The following NPAS3 variants were observed in gnomAD, a reference collection of about 807,000 sequenced individuals.
NPAS3 encodes neuronal PAS domain-containing protein 3.
NPAS3 carries 14 observed loss-of-function variants against 73.1 expected under a neutral mutation model. The ratio of observed to expected loss-of-function variants is 0.19; its 90% CI spans 0.13 to 0.30. The LOEUF (loss-of-function observed/expected upper bound fraction) is 0.30, where lower values mean the gene tolerates loss of function less well. Among genes scored for constraint, NPAS3 ranks in the 10% least tolerant of loss-of-function variants. NPAS3 has a pLI of 1.00. For missense variants in NPAS3, 1,096 were observed against 1,250.0 expected (o/e 0.88, Z 1.86); for synonymous variants, 620 against 541.5 (o/e 1.14, Z -2.01).
At chr14:33,025,819 C>T (rs934829874) in intron 1 of NPAS3, among the ~76,000 whole-genome samples, 1 of 152,060 alleles carries the variant, frequency 6.6e-6, no homozygotes, top group African/African-American at 2.4e-5. Context: ...TGAGGCCTCC[C>T]CAGAAGCAGA....
At position 33,475,972 on chromosome 14, in the gene NPAS3, T is replaced by G. The variant is rs569794609; in HGVS notation, c.469-84149T>G. ...TGGGACTAGAGCCTCACTTCCCGTT[T>G]GATGAGAAACTACGTGATTTACTAG... On this transcript the variant is annotated intron_variant, in intron 4 of 11. Coordinates refer to ENST00000356141, the Ensembl canonical transcript of NPAS3. Among the ~76,000 whole-genome samples, 3 of 152,322 alleles carry G rather than the reference T, an allele frequency of 2.0e-5. No individual in the cohort carries two copies. The South Asian group carries it at 6.2e-4, about 32-fold the overall frequency.
intron 3 of NPAS3, among the ~76,000 whole-genome samples, chr14:33,257,489 C>CTGT (rs1212416723): frequency 6.6e-6 from 1 of 152,110 alleles, no homozygotes; most frequent in Non-Finnish European, 1.5e-5. Context: ...GGTGAAATAC[C>CTGT]TGTATTCAGT....
intron 6 of NPAS3, among the ~76,000 whole-genome samples, chr14:33,696,284 C>A (rs948911535): frequency 2.6e-5 from 4 of 152,126 alleles, no homozygotes; most frequent in Non-Finnish European, 2.9e-5. Flanking sequence ...ACAAAAAGAA[C>A]CCTGGACTAG....
At chr14:33,547,833 T>G (rs1376352242) in intron 4 of NPAS3, among the ~76,000 whole-genome samples, 1 of 152,212 alleles carries the variant, frequency 6.6e-6, no homozygotes, top group Non-Finnish European at 1.5e-5. Flanking sequence ...CTAAGTTAGG[T>G]CTAAGCAACA....
At chr14:33,682,708 T>TGCAAG (rs1432027721) in intron 6 of NPAS3, among the ~76,000 whole-genome samples, 1 of 152,268 alleles carries the variant, frequency 6.6e-6, no homozygotes. Context: ...TTTTCTGGTA[T>TGCAAG]GCAAGGCCTA....
intron 1 of NPAS3, among the ~76,000 whole-genome samples, chr14:32,988,556 G>A (rs2038189732): frequency 6.6e-6 from 1 of 152,188 alleles, no homozygotes; most frequent in Non-Finnish European, 1.5e-5. Flanking sequence ...GTTGTTATAT[G>A]AGAGAAAAGA....
At chr14:33,225,757 A>G (rs1158483992) in intron 3 of NPAS3, among the ~76,000 whole-genome samples, 1 of 152,176 alleles carries the variant, frequency 6.6e-6, no homozygotes, top group African/African-American at 2.4e-5. Context: ...GGCAGGCTAG[A>G]TTAGACCTGC....
At chr14:33,166,776 T>C (rs2045174797) in intron 2 of NPAS3, among the ~76,000 whole-genome samples, 3 of 152,118 alleles carry the variant, frequency 2.0e-5, no homozygotes, top group Admixed American at 2.0e-4. Flanking sequence ...ACTGATGAAT[T>C]TGGGGTGGAA....
intron 3 of NPAS3, among the ~76,000 whole-genome samples, chr14:33,286,811 C>A (rs548779591): frequency 6.6e-6 from 1 of 152,202 alleles, no homozygotes; most frequent in African/African-American, 2.4e-5. Context: ...CACTACTTTT[C>A]CCACTGTGAA....
chr14:33,733,626 TG>T (rs1290752012), intron 6 of NPAS3, among the ~76,000 whole-genome samples: 2 of 152,214 alleles, frequency 1.3e-5, no homozygotes, highest in African/African-American at 4.8e-5. Flanking sequence ...TGGCGTATTA[TG>T]GCGTGTTAGA....
At chr14:33,332,225 T>C (rs2044017953) in intron 3 of NPAS3, among the ~76,000 whole-genome samples, 1 of 152,198 alleles carries the variant, frequency 6.6e-6, no homozygotes, top group East Asian at 1.9e-4. Context: ...AATTTCTTAG[T>C]GTGGTTCAGT....
At chr14:33,787,126 G>C (rs1415586494) in intron 9 of NPAS3, among the ~76,000 whole-genome samples, 1 of 152,110 alleles carries the variant, frequency 6.6e-6, no homozygotes, top group Non-Finnish European at 1.5e-5. Flanking sequence ...GAATGAATGA[G>C]TGGGACTGAA....
intron 4 of NPAS3, among the ~76,000 whole-genome samples, chr14:33,368,310 T>TAAAAAA (rs66579296): frequency 6.9e-6 from 1 of 144,882 alleles, no homozygotes; most frequent in East Asian, 2.0e-4. Flanking sequence ...GATTCTGCGT[T>TAAAAAA]AAAAAAAAAA....
chr14:33,546,968 C>A (rs2054874042), intron 4 of NPAS3, among the ~76,000 whole-genome samples: 1 of 152,158 alleles, frequency 6.6e-6, no homozygotes, highest in African/African-American at 2.4e-5. Flanking sequence ...ATGAAAGGCT[C>A]CTGTCGTGGC....
At chr14:33,101,228 C>T (rs2138887070) in intron 2 of NPAS3, among the ~76,000 whole-genome samples, 1 of 152,274 alleles carries the variant, frequency 6.6e-6, no homozygotes, top group African/African-American at 2.4e-5. Flanking sequence ...TTTCCAGTCT[C>T]TTCCCTTATT....
chr14:33,737,598 A>G (rs1321806881), intron 7 of NPAS3, among the ~76,000 whole-genome samples: 1 of 152,118 alleles, frequency 6.6e-6, no homozygotes, highest in Non-Finnish European at 1.5e-5. Context: ...GTTCCCCAGT[A>G]AGATGAATCA....
chr14:32,981,300 C>CAATA (rs2037887033), intron 1 of NPAS3, among the ~76,000 whole-genome samples: 2 of 152,150 alleles, frequency 1.3e-5, no homozygotes, highest in South Asian at 4.1e-4. Flanking sequence ...ATGATGATGA[C>CAATA]AATAATTCAT....
At chr14:33,023,108 G>C (rs1329905368) in intron 1 of NPAS3, among the ~76,000 whole-genome samples, 1 of 151,806 alleles carries the variant, frequency 6.6e-6, no homozygotes, top group African/African-American at 2.4e-5. Flanking sequence ...AAAAAGAAAA[G>C]AGGCCACACT....
intron 6 of NPAS3, among the ~76,000 whole-genome samples, chr14:33,724,750 A>T (rs1161932221): frequency 7.0e-6 from 1 of 141,968 alleles, no homozygotes; most frequent in Non-Finnish European, 1.5e-5. Flanking sequence ...GTTTTCTCTC[A>T]AAAAAAAAAA....
Sources: gnomAD v4.1 joint callset for allele counts (sites outside exome capture counted in the v4.1 genomes callset) on GRCh38, gnomAD v4.1.1 for gene constraint, MANE v1.5 for transcripts, NCBI Gene and HGNC (gene_info 2026-07-23, HGNC 2026-07-21) for gene names.